Variants in MAN2A1 observed in about 807,000 individuals in gnomAD.
MAN2A1 encodes the protein alpha-mannosidase 2.
Under a neutral mutation model 142.6 loss-of-function variants are expected in MAN2A1, and 76 were observed. The observed-to-expected ratio is 0.53, with a 90% confidence interval of 0.44 to 0.65. MAN2A1 has a LOEUF of 0.65. MAN2A1 is among the 30% of genes least tolerant of loss of function. MAN2A1 has a pLI of 0.00. For synonymous variants in MAN2A1, 559 were observed against 473.2 expected, an observed-to-expected ratio of 1.18 and a Z score of -2.35; for missense variants, 1,311 against 1,365.1, an observed-to-expected ratio of 0.96 and a Z score of 0.62.
chr5:109,730,065 A>G (rs565136653), intron 4 of MAN2A1, among the ~76,000 whole-genome samples: 2 of 152,272 alleles, frequency 1.3e-5, no homozygotes, highest in East Asian at 1.9e-4. Flanking sequence ...TAATAGTTTA[A>G]AAGTTTTTTT....
At chr5:109,782,823 A>G (rs1438557521) in intron 9 of MAN2A1, among the ~76,000 whole-genome samples, 1 of 152,130 alleles carries the variant, frequency 6.6e-6, no homozygotes, top group African/African-American at 2.4e-5. Context: ...TATGGAGTAC[A>G]TGTGATATTT....
intron 4 of MAN2A1, among the ~76,000 whole-genome samples, chr5:109,751,968 CT>C (rs1047365064): frequency 2.3e-4 from 35 of 152,126 alleles, no homozygotes; most frequent in African/African-American, 8.2e-4. Flanking sequence ...CACTTAACTC[CT>C]TTTGGATGTC....
chr5:109,823,827 C>T lies in MAN2A1; in HGVS notation c.2556C>T (p.Tyr852=), dbSNP rs1754691683. 2 of 1,544,390 alleles carry T rather than the reference C, an allele frequency of 1.3e-6. No homozygotes were observed. The highest frequency in any genetic ancestry group is 1.4e-5 in the African/African-American group (1 of 71,976). Residue 852 remains tyrosine (Y), a synonymous_variant, in exon 16 of 22, where the codon TAC becomes TAT. Coordinates refer to ENST00000261483, the MANE Select transcript of MAN2A1 (RefSeq NM_002372.4). ...ATGTTACTCATAGAGTCCGACTATA[C>T]CACATACAGGGTAAGAAAATAGGAA... ...FDHVTHRVRL[Y]HIQGIEGQSV...
rs1030342417 is a variant in MAN2A1 at position 109,834,679 on chromosome 5, T to C, written c.2567-7649T>C. Among the ~76,000 whole-genome samples the C allele has an allele frequency of 2.6e-5, 4 of 152,290 alleles. No homozygotes were observed. In the East Asian group the frequency reaches 7.7e-4, roughly 29 times the overall value. On this transcript the variant is annotated intron_variant, in intron 16 of 21. Coordinates refer to ENST00000261483, the MANE Select transcript of MAN2A1 (RefSeq NM_002372.4). The stretch of plus-strand genomic sequence containing the variant: ...AGTTATTGGTAAGTAATAGTAGCTG[T>C]TTATCTAGTAGTGTTTTATGAATGG...
chr5:109,839,520 A>G (rs1325515201), intron 16 of MAN2A1, among the ~76,000 whole-genome samples: 1 of 151,938 alleles, frequency 6.6e-6, no homozygotes, highest in Non-Finnish European at 1.5e-5. Flanking sequence ...TAAAAAAAAA[A>G]AAAGGCATTA....
intron 3 of MAN2A1, among the ~76,000 whole-genome samples, chr5:109,726,294 T>C (rs779203524): frequency 1.8e-4 from 28 of 152,188 alleles, no homozygotes; most frequent in Non-Finnish European, 3.5e-4. Flanking sequence ...TATACAATTG[T>C]AGTTTTTACA....
chr5:109,808,472 C>A (rs1754230828), intron 12 of MAN2A1, among the ~76,000 whole-genome samples: 1 of 151,818 alleles, frequency 6.6e-6, no homozygotes, highest in South Asian at 2.1e-4. Flanking sequence ...TTTAATAATG[C>A]AACAAACATT....
chr5:109,714,493 C>G (rs1280831560), intron 2 of MAN2A1, among the ~76,000 whole-genome samples: 1 of 152,104 alleles, frequency 6.6e-6, no homozygotes, highest in Non-Finnish European at 1.5e-5. Flanking sequence ...TATTATATTT[C>G]TCTTGGACAG....
Position 109,795,261 on chromosome 5 carries a change from G to T in MAN2A1, c.1943+5734G>T, listed in dbSNP as rs753987144. On this transcript the variant is annotated intron_variant, in intron 12 of 21. Coordinates refer to ENST00000261483, the MANE Select transcript of MAN2A1 (RefSeq NM_002372.4). ...CTTGGGGAGGAAATGAGGAGAAAAGGCTCCACCTTTGTTCCAGTCCCTCCC... is the reference window on the plus strand; with the variant it reads ...CTTGGGGAGGAAATGAGGAGAAAAGTCTCCACCTTTGTTCCAGTCCCTCCC... Among the ~76,000 whole-genome samples, 41 of 151,932 alleles carry T rather than the reference G, an allele frequency of 2.7e-4. 1 individual carries two copies. The highest frequency in any genetic ancestry group is 6.6e-5 in the Admixed American group (1 of 15,238).
chr5:109,692,078 A>G (rs1339577508), intron 1 of MAN2A1, among the ~76,000 whole-genome samples: 1 of 152,168 alleles, frequency 6.6e-6, no homozygotes, highest in Admixed American at 6.5e-5. Flanking sequence ...CTTTGGCTTG[A>G]TGATCACTTG....
intron 1 of MAN2A1, among the ~76,000 whole-genome samples, chr5:109,696,716 G>C (rs1750822446): frequency 6.6e-6 from 1 of 152,198 alleles, no homozygotes; most frequent in Non-Finnish European, 1.5e-5. Flanking sequence ...CTGGGAGTGG[G>C]AATCATCCCT....
rs145548808 is a variant in MAN2A1, at chr5:109,840,476, C to T, written c.2567-1852C>T. 179 of 478,726 alleles carry T rather than the reference C, an allele frequency of 3.7e-4. No homozygotes were observed. In the East Asian group the frequency reaches 7.7e-3, roughly 21 times the overall value. The allele number at this position is 478,726 out of a possible 1,614,324, so 29.7% of individuals were successfully genotyped here. ...GCTGCAACCACTGAAGTCATCAAACCGAGAATCCAATTGGCTTGGTGGAAT... is the reference window on the plus strand; with the variant it reads ...GCTGCAACCACTGAAGTCATCAAACTGAGAATCCAATTGGCTTGGTGGAAT... On this transcript the variant is annotated intron_variant, in intron 16 of 21. Transcript: ENST00000261483.
At chr5:109,803,744 T>C (rs912264903) in intron 12 of MAN2A1, among the ~76,000 whole-genome samples, 1 of 152,114 alleles carries the variant, frequency 6.6e-6, no homozygotes, top group Admixed American at 6.5e-5. Context: ...TGTCAAAGAA[T>C]AGCTGGTGTT....
intron 1 of MAN2A1, among the ~76,000 whole-genome samples, chr5:109,693,276 C>CT (rs200755613): frequency 1.1e-4 from 16 of 149,110 alleles, no homozygotes; most frequent in Admixed American, 4.0e-4. Flanking sequence ...TGAGTTGATT[C>CT]TTTTTTTTTT....
At chr5:109,863,238 T>C (rs1271920423) in intron 20 of MAN2A1, 1 of 152,254 alleles carries the variant, frequency 6.6e-6, no homozygotes, top group Non-Finnish European at 1.5e-5. Context: ...TGTACGACTC[T>C]AGACATATAA....
chr5:109,776,196 G>A (rs1471423900), intron 8 of MAN2A1, among the ~76,000 whole-genome samples: 1 of 151,908 alleles, frequency 6.6e-6, no homozygotes, highest in East Asian at 1.9e-4. Context: ...CTATAGAAAG[G>A]AAGTGATATT....
At chr5:109,775,369 G>C (rs577296933) in intron 8 of MAN2A1, among the ~76,000 whole-genome samples, 1 of 152,040 alleles carries the variant, frequency 6.6e-6, no homozygotes, top group Admixed American at 6.6e-5. Flanking sequence ...AGATGCAGAT[G>C]AACATGTCAT....
intron 1 of MAN2A1, chr5:109,699,497 AG>A (rs1213160930): frequency 6.6e-6 from 1 of 152,218 alleles, no homozygotes; most frequent in Non-Finnish European, 1.5e-5. Context: ...AGAATAAATA[AG>A]TGATGTAATG....
At chr5:109,792,706 G>C (rs1416789122) in intron 12 of MAN2A1, among the ~76,000 whole-genome samples, 1 of 152,090 alleles carries the variant, frequency 6.6e-6, no homozygotes, top group African/African-American at 2.4e-5. Flanking sequence ...ATTGGAGATT[G>C]GGACTGGAGT....
Sources: allele counts gnomAD v4.1 joint callset (sites outside exome capture counted in the v4.1 genomes callset), GRCh38; gene constraint gnomAD v4.1.1; transcripts MANE v1.5; gene names NCBI Gene and HGNC (gene_info 2026-07-23, HGNC 2026-07-21).